ZNF91: variants seen among roughly 807,000 people sequenced by gnomAD.
ZNF91 encodes zinc finger protein 91 (HPF7, HTF10).
Under a neutral mutation model 12.6 loss-of-function variants are expected in ZNF91, and 7 were observed. That is an observed-to-expected ratio of 0.55 (90% confidence interval 0.31 to 1.04). The LOEUF (loss-of-function observed/expected upper bound fraction) is 1.04, where lower values mean the gene tolerates loss of function less well. Ranked by LOEUF, ZNF91 falls within the 50% of genes least tolerant of loss-of-function variation. The pLI, the probability that ZNF91 is intolerant of heterozygous loss-of-function variation, is 0.05. For synonymous variants in ZNF91, 453 were observed against 462.6 expected (o/e 0.98, Z 0.27); for missense variants, 1,217 against 1,385.4 (o/e 0.88, Z 1.93).
At chr19:23,323,434 ATTCT>A (rs1242005501) in intron 1 of ZNF91, among the ~76,000 whole-genome samples, 1 of 112,228 alleles carries the variant, frequency 8.9e-6, no homozygotes, top group Non-Finnish European at 1.7e-5. Context: ...CCTTCTCCCC[ATTCT>A]TTTCCTTTTT....
intron 3 of ZNF91, 37 bp downstream of exon 3, chr19:23,373,705 C>G (rs369964129): frequency 1.5e-4 from 234 of 1,546,070 alleles, no homozygotes; most frequent in Non-Finnish European, 1.9e-4. Context: ...CTTTGGGCCT[C>G]TCATCCTTGT....
chr19:23,373,346 T>TCATA (rs1491403502), intron 3 of ZNF91, among the ~76,000 whole-genome samples: 11 of 85,802 alleles, frequency 1.3e-4, no homozygotes, highest in South Asian at 3.6e-4. Flanking sequence ...TCATGTAATC[T>TCATA]TATATATATA....
Position 23,374,659 on chromosome 19 carries a change from A to G in ZNF91, c.136T>C (p.Tyr46His), listed in dbSNP as rs1486473987. The G allele has an allele frequency of 5.6e-6, 9 of 1,611,614 alleles. No individual in the cohort carries two copies. Among genetic ancestry groups the G allele is most frequent in the Non-Finnish European group, 6.8e-6 (8 of 1,178,650 alleles). Residue 46 changes from tyrosine (Y) to histidine (H), a missense_variant, in exon 2 of 4, where the codon TAC (tyrosine) becomes CAC (histidine). This residue lies in a region of ZNF91 where 726 missense variants were observed against 895.5 expected (regional missense o/e 0.81). Transcript: ENST00000300619. ...NLYRNVMLEN[Y>H]RNLAFLGIAL... ...TTACCCAGGAAGGCCAGGTTTCTGT[A>G]GTTCTCTAACATCACATTCCTATAT...
chr19:23,341,107 G>A (rs1479305427), intron 3 of ZNF91, among the ~76,000 whole-genome samples: 1 of 148,868 alleles, frequency 6.7e-6, no homozygotes, highest in African/African-American at 2.5e-5. Flanking sequence ...CTGGAGTGCA[G>A]TGGTACGATC....
At chr19:23,365,173 T>G (rs1042420376) in intron 3 of ZNF91, among the ~76,000 whole-genome samples, 2 of 150,238 alleles carry the variant, frequency 1.3e-5, no homozygotes, top group Non-Finnish European at 3.0e-5. Flanking sequence ...TTTGATGTAA[T>G]AAAAGAAAAA....
rs1241662900 is a variant in ZNF91 at position 23,395,390 on chromosome 19, G to A, written c.-36C>T. 4 of 1,612,244 alleles carry A rather than the reference G, an allele frequency of 2.5e-6. No homozygotes were observed. The Admixed American group carries it at 5.0e-5, about 20-fold the overall frequency. On this transcript the variant is annotated 5_prime_UTR_variant, in exon 1 of 4. Transcript: ENST00000300619. ...GCTCTCCAATACCTGCAGGTCACAG[G>A]GCCACACAGGCTGGGCCTCCTGGAG...
intron 2 of ZNF91, among the ~76,000 whole-genome samples, chr19:23,374,160 C>T (rs535644798): frequency 4.3e-4 from 65 of 152,078 alleles, no homozygotes; most frequent in Non-Finnish European, 1.8e-4. Flanking sequence ...GTGGAAAGTT[C>T]AGGTCAAGAT....
chr19:23,331,035 T>C (rs1052560337), intron 1 of ZNF91, among the ~76,000 whole-genome samples: 12 of 152,194 alleles, frequency 7.9e-5, no homozygotes, highest in African/African-American at 1.9e-4. Flanking sequence ...TAGCTACTTA[T>C]TTTGGAGAGT....
intron 1 of ZNF91, among the ~76,000 whole-genome samples, chr19:23,323,464 TG>T (rs1967756595): frequency 1.5e-5 from 2 of 132,276 alleles, no homozygotes; most frequent in South Asian, 2.5e-4. Flanking sequence ...TCTACTTCTC[TG>T]TCCTCTTCTC....
In ZNF91 at chr19:23,360,842, G is replaced by T. The variant is rs768580176; in HGVS notation, c.2137C>A (p.Leu713Ile). 2.5e-6 allele frequency: 4 copies of T among 1,613,674 alleles called. No individual in the cohort carries two copies. The highest frequency in any genetic ancestry group is 4.5e-5 in the East Asian group (2 of 44,804). ...TTGCCACATTCTTCACATTTGTAGA[G>T]TTTCTCTCCAGCATGTATTATTTTA... is the stretch of plus-strand genomic sequence containing the variant. ...KHKIIHAGEK[L>I]YKCEECGKAF... The change falls in exon 4 of 4, where the codon CTC (leucine) becomes ATC (isoleucine). Residue 713 changes from leucine to isoleucine, a missense_variant. This residue lies in a region of ZNF91 where 726 missense variants were observed against 895.5 expected (regional missense o/e 0.81). Transcript: ENST00000300619.
intron 1 of ZNF91, among the ~76,000 whole-genome samples, chr19:23,390,530 G>T (rs1970029834): frequency 1.3e-5 from 2 of 152,172 alleles, no homozygotes; most frequent in Admixed American, 1.3e-4. Flanking sequence ...ACTAATTTTT[G>T]TATTTTTAGT....
chr19:23,362,804 C>A, intron 3 of ZNF91, 79 bp from the exon 4 acceptor site: 1 of 1,298,504 alleles, frequency 7.7e-7, no homozygotes, highest in Non-Finnish European at 9.8e-7. Flanking sequence ...ATCTTACCTA[C>A]AAAATTATAC....
chr19:23,317,051 CTT>C (rs1006599973), intron 1 of ZNF91, among the ~76,000 whole-genome samples: 1 of 145,372 alleles, frequency 6.9e-6, no homozygotes. Context: ...CTTTTCTTTT[CTT>C]TTTTTTTTTT....
chr19:23,352,457 C>G (rs1968390747), intron 3 of ZNF91, among the ~76,000 whole-genome samples: 1 of 152,132 alleles, frequency 6.6e-6, no homozygotes, highest in Non-Finnish European at 1.5e-5. Flanking sequence ...CCTACCCAAC[C>G]TGGTAGTGGT....
intron 1 of ZNF91, among the ~76,000 whole-genome samples, chr19:23,382,706 T>C (rs1458595922): frequency 1.3e-5 from 2 of 151,768 alleles, no homozygotes; most frequent in Non-Finnish European, 2.9e-5. Flanking sequence ...CACAAAAACA[T>C]CTTGAAGTCT....
rs775641432 is a variant in ZNF91 at position 23,360,998 on chromosome 19, T to C, written c.1981A>G (p.Lys661Glu). The C allele has an allele frequency of 1.3e-5, 21 of 1,609,264 alleles. No individual in the cohort carries two copies. The highest frequency in any genetic ancestry group is 1.6e-4 in the Middle Eastern group (1 of 6,066). The change falls in exon 4 of 4, where the codon AAA becomes GAA. Residue 661 changes from lysine to glutamate, a missense_variant. Around this residue, in one of 2 missense-constraint regions of ZNF91, gnomAD observed 726 missense variants for 895.5 expected, o/e 0.81. Transcript: ENST00000300619. ...IHTGEKPYKC[K>E]ECGKAFSNSS... is the part of the protein sequence containing the mutation. Reference sequence around the variant, plus strand: ...TTGCTAAAAGCTTTGCCACATTCTTTACATTTGTAGGGTTTCTCTCCAGTA... The same window carrying C: ...TTGCTAAAAGCTTTGCCACATTCTTCACATTTGTAGGGTTTCTCTCCAGTA...
chr19:23,362,725 C>A lies in ZNF91; in HGVS notation c.254G>T (p.Gly85Val), dbSNP rs77740404. The A allele has an allele frequency of 4.1e-6, 6 of 1,445,852 alleles. No individual in the cohort carries two copies. Among genetic ancestry groups the A allele is most frequent in the Non-Finnish European group, 9.1e-7 (1 of 1,099,794 alleles). 89.6% of individuals were successfully genotyped at this position (1,445,852 alleles called of 1,614,324 possible). ...GTCTTGAGGAAAATGAGGACATATA[C>A]CTGAAAAAAAAAAACTAAAAATAAT... ...KQHEMVDEPTGICPHFPQDFW... is the reference protein window; with the variant it reads ...KQHEMVDEPTVICPHFPQDFW... Residue 85 changes from glycine (G) to valine (V), a missense_variant and splice_region_variant, in exon 4 of 4, where the codon GGT becomes GTT. Gly to Val is a moderately radical substitution (Grantham distance 109). Around this residue, in one of 2 missense-constraint regions of ZNF91, gnomAD observed 726 missense variants for 895.5 expected, o/e 0.81. Transcript: ENST00000300619.
chr19:23,387,226 G>A (rs188802888), intron 1 of ZNF91, among the ~76,000 whole-genome samples: 333 of 152,230 alleles, frequency 2.2e-3, no homozygotes, highest in Non-Finnish European at 2.0e-3. Flanking sequence ...TGTAAAAAGC[G>A]GTGTGGCAAT....
chr19:23,344,279 A>G (rs554056597), intron 3 of ZNF91, among the ~76,000 whole-genome samples: 1 of 152,090 alleles, frequency 6.6e-6, no homozygotes, highest in South Asian at 2.1e-4. Flanking sequence ...TATTTTTATT[A>G]GAGACGAGGT....
Sources: gnomAD v4.1 joint callset for allele counts (sites outside exome capture counted in the v4.1 genomes callset) on GRCh38, gnomAD v4.1.1 for gene constraint, gnomAD v4.1.1 regional missense constraint, MANE v1.5 for transcripts, NCBI Gene and HGNC (gene_info 2026-07-23, HGNC 2026-07-21) for gene names.